TTC34: variants seen among roughly 807,000 people sequenced by gnomAD.
TTC34 encodes tetratricopeptide repeat protein 34.
TTC34 carries 44 observed loss-of-function variants against 40.7 expected under a neutral mutation model. The ratio of observed to expected loss-of-function variants is 1.08; its 90% CI spans 0.85 to 1.39. The LOEUF is 1.39. TTC34 is among the 40% of genes most tolerant of loss of function. The probability of loss-of-function intolerance (pLI) is 0.00; values close to 1 mark genes in which losing one functional copy is unlikely to be tolerated. For synonymous variants in TTC34, 422 were observed against 398.6 expected, an observed-to-expected ratio of 1.06 and a Z score of -0.70; for missense variants, 884 against 838.0, an observed-to-expected ratio of 1.05 and a Z score of -0.68.
chr1:2,684,811 C>G lies in TTC34; in HGVS notation c.2227-39248G>C, dbSNP rs542436638. ...AGCACCCACACCCCCAGGTGAGCAT[C>G]TGACATCGTGCAGCAGCACCCCACA... On this transcript the variant is annotated intron_variant, in intron 6 of 8. Coordinates refer to ENST00000401095, the Ensembl canonical transcript of TTC34. Among the ~76,000 whole-genome samples, 384 of 122,244 alleles carry G rather than the reference C, an allele frequency of 3.1e-3. 9 individuals are homozygous for G. The highest frequency in any genetic ancestry group is 0.014 in the African/African-American group (351 of 25,408). 80.2% of individuals were successfully genotyped at this position (122,244 alleles called of 152,430 possible). A position where few individuals can be genotyped will look rare whatever the true frequency, so the allele number is the denominator to read the frequency against.
chr1:2,685,646 T>C (rs1421478064), intron 6 of TTC34, among the ~76,000 whole-genome samples: 8 of 128,958 alleles, frequency 6.2e-5, no homozygotes, highest in South Asian at 2.6e-4. Flanking sequence ...CACCCTCAGG[T>C]GAGCATCTGA....
chr1:2,751,862 ATC>A (rs2100432957), intron 6 of TTC34, among the ~76,000 whole-genome samples: 1 of 110,296 alleles, frequency 9.1e-6, no homozygotes, highest in Non-Finnish European at 1.8e-5. Context: ...CCAAGTGAGC[ATC>A]CGACAGCCTG....
chr1:2,666,167 C>T (rs1200079120), intron 6 of TTC34, among the ~76,000 whole-genome samples: 83 of 100,196 alleles, frequency 8.3e-4, no homozygotes, highest in Admixed American at 1.0e-3. Flanking sequence ...ACAGCACCCA[C>T]ACCCACAGGT....
At chr1:2,696,841 CTT>C (rs2100393671) in intron 6 of TTC34, among the ~76,000 whole-genome samples, 1 of 58,574 alleles carries the variant, frequency 1.7e-5, no homozygotes, top group Non-Finnish European at 4.0e-5. Context: ...GCACCCACAC[CTT>C]CCGGCGAGCA....
chr1:2,641,375 A>G, exon 9 of TTC34: 2 of 1,510,806 alleles, frequency 1.3e-6, no homozygotes, highest in African/African-American at 1.4e-5. Flanking sequence ...CAGTCACTGT[A>G]GCCAGCAGCC....
At chr1:2,757,062 C>CAGGG (rs1641531133) in intron 6 of TTC34, among the ~76,000 whole-genome samples, 2 of 148,466 alleles carry the variant, frequency 1.3e-5, no homozygotes, top group East Asian at 4.0e-4. Context: ...GAACAGGACC[C>CAGGG]ACACCCCCAG....
chr1:2,781,061 G>T (rs1643475136), intron 6 of TTC34, among the ~76,000 whole-genome samples: 1 of 152,140 alleles, frequency 6.6e-6, no homozygotes, highest in African/African-American at 2.4e-5. Context: ...TTAAAATTAT[G>T]TGGGTCCCCT....
At chr1:2,765,734 C>A (rs1641769160) in intron 6 of TTC34, among the ~76,000 whole-genome samples, 1 of 49,588 alleles carries the variant, frequency 2.0e-5, no homozygotes. Flanking sequence ...GAGCATCTGA[C>A]AGCCTGGAGC....
At chr1:2,691,081 C>G (rs376214249) in intron 6 of TTC34, among the ~76,000 whole-genome samples, 3 of 57,614 alleles carry the variant, frequency 5.2e-5, no homozygotes, top group East Asian at 4.4e-4. Flanking sequence ...GCATCTGATG[C>G]TTTGGAGCAG....
At chr1:2,790,305 C>G in exon 3 of TTC34, 1 of 398,342 alleles carries the variant, frequency 2.5e-6, no homozygotes, top group Middle Eastern at 6.3e-4. Context: ...AGGAAGAAGG[C>G]CGAGGCCGCG....
At chr1:2,777,681 G>T (rs1190596377) in intron 6 of TTC34, among the ~76,000 whole-genome samples, 2 of 127,828 alleles carry the variant, frequency 1.6e-5, no homozygotes, top group African/African-American at 3.3e-5. Flanking sequence ...TGAAGAGGCA[G>T]AGGGCATGGG....
intron 6 of TTC34, among the ~76,000 whole-genome samples, chr1:2,698,461 G>C (rs1251251652): frequency 7.2e-5 from 5 of 69,692 alleles, no homozygotes; most frequent in Admixed American, 1.3e-4. Flanking sequence ...AGGTGGGCAT[G>C]TGACAGCCTG....
At chr1:2,759,724 G>A (rs1238564487) in intron 6 of TTC34, among the ~76,000 whole-genome samples, 5 of 82,830 alleles carry the variant, frequency 6.0e-5, no homozygotes, top group Non-Finnish European at 1.0e-4. Context: ...CACACCCCGA[G>A]GTGAACATCC....
chr1:2,646,890 C>G (rs1227993716), intron 6 of TTC34, among the ~76,000 whole-genome samples: 3 of 152,178 alleles, frequency 2.0e-5, no homozygotes, highest in African/African-American at 7.2e-5. Flanking sequence ...TCTAACGGGT[C>G]TTTAATGTCA....
At chr1:2,685,843 A>C (rs1327164892) in intron 6 of TTC34, among the ~76,000 whole-genome samples, 2 of 149,720 alleles carry the variant, frequency 1.3e-5, no homozygotes, top group African/African-American at 5.0e-5. Flanking sequence ...CCCCATGCCC[A>C]GGTGAGCCTC....
chr1:2,690,665 G>C (rs962959648), intron 6 of TTC34, among the ~76,000 whole-genome samples: 1 of 137,496 alleles, frequency 7.3e-6, no homozygotes, highest in African/African-American at 2.7e-5. Flanking sequence ...CACACCCCCA[G>C]GTGAGAATCT....
At chr1:2,688,080 C>G (rs566108061) in intron 6 of TTC34, among the ~76,000 whole-genome samples, 1 of 121,100 alleles carries the variant, frequency 8.3e-6, no homozygotes, top group African/African-American at 3.3e-5. Flanking sequence ...TGGAACAGCA[C>G]CCTGCACCCC....
At chr1:2,699,533 T>A (rs141341475) in intron 6 of TTC34, among the ~76,000 whole-genome samples, 24 of 19,980 alleles carry the variant, frequency 1.2e-3, no homozygotes, top group East Asian at 8.1e-3. Context: ...ACCACCCACA[T>A]CCCCAGGTGA....
intron 6 of TTC34, among the ~76,000 whole-genome samples, chr1:2,657,369 C>G (rs1486223387): frequency 2.1e-5 from 2 of 95,712 alleles, no homozygotes; most frequent in East Asian, 2.4e-4. Context: ...CAACTTGGAG[C>G]AGCACCCACA....
Sources: gnomAD v4.1 joint callset for allele counts (sites outside exome capture counted in the v4.1 genomes callset) on GRCh38, gnomAD v4.1.1 for gene constraint, MANE v1.5 for transcripts, NCBI Gene and HGNC (gene_info 2026-07-23, HGNC 2026-07-21) for gene names.